VPS52: variants seen among roughly 807,000 people sequenced by gnomAD.
The protein encoded by VPS52 is vacuolar protein sorting-associated protein 52 homolog.
VPS52 carries 56 observed loss-of-function variants against 98.7 expected under a neutral mutation model. The observed-to-expected ratio is 0.57, with a 90% CI of 0.46 to 0.71. VPS52 has a LOEUF of 0.71. VPS52 is among the 30% of genes least tolerant of loss of function. VPS52 has a pLI of 0.00. For synonymous variants in VPS52, 348 were observed against 346.4 expected, an observed-to-expected ratio of 1.00 and a Z score of -0.05; for missense variants, 742 against 925.9, an observed-to-expected ratio of 0.80 and a Z score of 2.58.
chr6:33,267,317 G>A lies in VPS52; in HGVS notation c.996C>T (p.Phe332=). The change falls in exon 11 of 20, where the codon TTC becomes TTT. Residue 332 remains phenylalanine, a synonymous_variant. Coordinates refer to ENST00000445902, the MANE Select transcript of VPS52 (RefSeq NM_022553.6). This position sits in a 1 kb window ranked among gnomAD's most constrained non-coding sequence, Gnocchi z 4.2. ...TGCTGCGGAGCGATGGCTTTGAGAA[G>A]AATCGTAAGATGGGTCAGAGTCAGG... ...MGVEDTAKKG[F]FSKPSLRSRN... 2.5e-6 allele frequency: 4 copies of A among 1,582,424 alleles called. No individual in the cohort carries two copies. Among genetic ancestry groups the A allele is most frequent in the Admixed American group, 1.8e-5 (1 of 55,058 alleles).
chr6:33,268,974 C>G lies in VPS52; in HGVS notation c.548+40G>C, dbSNP rs1764667364. The G allele has an allele frequency of 6.2e-7, 1 of 1,603,296 alleles. No homozygotes were observed. The highest frequency in any genetic ancestry group is 1.3e-5 in the African/African-American group (1 of 74,800). ...AGGGTGGGTCACCCCAGCCCATCCA[C>G]CTGCTATGGACATTATAACCCTTCA... is the stretch of plus-strand genomic sequence containing the variant. On this transcript the variant is annotated intron_variant, in intron 6 of 19. Coordinates refer to ENST00000445902, the MANE Select transcript of VPS52 (RefSeq NM_022553.6). This position sits in a 1 kb window ranked among gnomAD's most constrained non-coding sequence, Gnocchi z 4.0.
chr6:33,251,816 C>G, intron 18 of VPS52, 44 bp downstream of exon 18: 1 of 1,596,806 alleles, frequency 6.3e-7, no homozygotes, highest in Non-Finnish European at 8.6e-7. Flanking sequence ...TTCTTTTCCA[C>G]TTCCCTTACC....
intron 4 of VPS52, 79 bp from the exon 5 acceptor site, chr6:33,269,636 T>C: frequency 6.3e-7 from 1 of 1,576,482 alleles, no homozygotes; most frequent in Non-Finnish European, 8.7e-7. Context: ...AATTTCTCTT[T>C]GAAGTGATAG....
chr6:33,251,900 C>T lies in VPS52; in HGVS notation c.1866G>A (p.Leu622=). The T allele has an allele frequency of 6.2e-7, 1 of 1,613,316 alleles. No homozygotes were observed. The highest frequency in any genetic ancestry group is 8.5e-7 in the Non-Finnish European group (1 of 1,180,046). The change falls in exon 18 of 20, where the codon TTG becomes TTA. Residue 622 remains leucine (L), a synonymous_variant. Coordinates refer to ENST00000445902, the MANE Select transcript of VPS52 (RefSeq NM_022553.6). The part of the protein sequence containing the change: ...LVAFVKEAEA[L]IERGQAERLR... ...GTCGCTCAGCCTGTCCACGCTCAAT[C>T]AAAGCCTCAGCCTCCTTCACAAATG...
intron 13 of VPS52, 52 bp from the exon 14 acceptor site, chr6:33,264,549 G>A: frequency 6.2e-7 from 1 of 1,610,064 alleles, no homozygotes; most frequent in Non-Finnish European, 8.5e-7. Flanking sequence ...GTTGGAGGGG[G>A]ATGGGAGGGA....
At chr6:33,256,787 G>A (rs1029868766) in intron 17 of VPS52, among the ~76,000 whole-genome samples, 3 of 149,082 alleles carry the variant, frequency 2.0e-5, no homozygotes, top group South Asian at 4.2e-4. Context: ...GTTGCAGTGC[G>A]CTGAGATTGT....
At position 33,267,986 on chromosome 6, in the gene VPS52, T is replaced by G; in HGVS notation, c.812A>C (p.Gln271Pro). The change falls in exon 9 of 20, where the codon CAG becomes CCG. Residue 271 changes from glutamine (Q) to proline (P), a missense_variant. By Grantham distance (76) the Gln-to-Pro change is moderately conservative (BLOSUM62 -1). This residue lies in a region of VPS52 where 590 missense variants were observed against 793.3 expected (regional missense o/e 0.74). Transcript: ENST00000445902. This position sits in a 1 kb window ranked among gnomAD's most constrained non-coding sequence, Gnocchi z 4.2. The stretch of plus-strand genomic sequence containing the variant: ...TGCTCGTTCATTGCCCAGCAGAAAC[T>G]GATAGAAGAACCTAGGGGGTCAGGA... ...TALLKYRFFY[Q>P]FLLGNERATA... The G allele has an allele frequency of 6.2e-7, 1 of 1,613,046 alleles. No individual in the cohort carries two copies. The highest frequency in any genetic ancestry group is 8.5e-7 in the Non-Finnish European group (1 of 1,180,024).
chr6:33,271,465 G>A (rs961812036), intron 1 of VPS52, 121 bp downstream of exon 1: 1 of 1,411,932 alleles, frequency 7.1e-7, no homozygotes, highest in African/African-American at 1.4e-5. Context: ...GGTACGGGGA[G>A]CCAAACAGGT....
At chr6:33,264,718 C>A in intron 13 of VPS52, 64 bp downstream of exon 13, 2 of 1,511,642 alleles carry the variant, frequency 1.3e-6, no homozygotes, top group Non-Finnish European at 1.8e-6. Flanking sequence ...AAGGTCAGGG[C>A]AGAGTCATGC....
chr6:33,271,616 G>A lies in VPS52; in HGVS notation c.60C>T (p.Thr20=). 1.2e-6 allele frequency: 2 copies of A among 1,611,996 alleles called. No homozygotes were observed. Among genetic ancestry groups the A allele is most frequent in the Non-Finnish European group, 1.7e-6 (2 of 1,179,276 alleles). The change falls in exon 1 of 20, where the codon ACC becomes ACT. Residue 20 remains threonine, a synonymous_variant. Coordinates refer to ENST00000445902, the MANE Select transcript of VPS52 (RefSeq NM_022553.6). ...AARELVLRAG[T]SDMEEEEGPL... Reference sequence around the variant, plus strand: ...GGCCCTCTTCCTCCTCCATATCTGAGGTCCCAGCCCGCAACACCAGTTCCC... The same window carrying A: ...GGCCCTCTTCCTCCTCCATATCTGAAGTCCCAGCCCGCAACACCAGTTCCC...
chr6:33,268,001 G>C lies in VPS52; in HGVS notation c.801-4C>G. 1 of 1,612,890 alleles carries C rather than the reference G, an allele frequency of 6.2e-7. No homozygotes were observed. Among genetic ancestry groups the C allele is most frequent in the African/African-American group, 1.3e-5 (1 of 75,026 alleles). ...CAGCAGAAACTGATAGAAGAACCTA[G>C]GGGGTCAGGAACATGTCAGTCTACC... On this transcript the variant is annotated splice_region_variant and splice_polypyrimidine_tract_variant and intron_variant, in intron 8 of 19. Transcript: ENST00000445902. The surrounding 1 kb of genome is among the most constrained non-coding windows in gnomAD (Gnocchi z 4.0).
intron 14 of VPS52, 78 bp from the exon 15 acceptor site, chr6:33,264,181 C>G (rs1294259299): frequency 9.5e-6 from 15 of 1,572,076 alleles, no homozygotes; most frequent in Non-Finnish European, 2.6e-6. Flanking sequence ...TTAGCCAACC[C>G]ACCTCCATGT....
chr6:33,252,852 T>C (rs914390109), intron 17 of VPS52, among the ~76,000 whole-genome samples: 3 of 151,990 alleles, frequency 2.0e-5, no homozygotes, highest in African/African-American at 7.3e-5. Flanking sequence ...AATTGATGGC[T>C]ACTAACATCA....
In VPS52 at chr6:33,251,947, G is replaced by T. The variant is rs564713198; in HGVS notation, c.1819C>A (p.Pro607Thr). 6.2e-7 allele frequency: 1 copy of T among 1,613,032 alleles called. No homozygotes were observed. The highest frequency in any genetic ancestry group is 1.3e-5 in the African/African-American group (1 of 74,914). ...AATGCCACTAAACCCCCAAAAGGGG[G>T]AGACAGCAACTCTTCAATGAATTCC... ...TQEFIEELLS[P>T]PFGGLVAFVK... Residue 607 changes from proline to threonine, a missense_variant, in exon 18 of 20, where the codon CCC becomes ACC. By Grantham distance (38) the Pro-to-Thr change is conservative (BLOSUM62 -1). This residue lies in a region of VPS52 where 590 missense variants were observed against 793.3 expected (regional missense o/e 0.74). Coordinates refer to ENST00000445902, the MANE Select transcript of VPS52 (RefSeq NM_022553.6).
intron 17 of VPS52, among the ~76,000 whole-genome samples, chr6:33,261,242 G>GTTCAA (rs1317550700): frequency 1.3e-5 from 2 of 151,736 alleles, no homozygotes; most frequent in Non-Finnish European, 2.9e-5. Flanking sequence ...CCAGGTGGGA[G>GTTCAA]GATCACTTGA....
At chr6:33,260,768 G>A (rs1443633224) in intron 17 of VPS52, among the ~76,000 whole-genome samples, 2 of 152,194 alleles carry the variant, frequency 1.3e-5, no homozygotes, top group Non-Finnish European at 2.9e-5. Flanking sequence ...GGGAGGCTGA[G>A]GCGGGTGAAT....
Position 33,264,417 on chromosome 6 carries a change from G to A in VPS52, c.1481C>T (p.Thr494Ile). 1 of 1,614,218 alleles carries A rather than the reference G, an allele frequency of 6.2e-7. No individual in the cohort carries two copies. Residue 494 changes from threonine (T) to isoleucine (I), a missense_variant, in exon 14 of 20, where the codon ACT becomes ATT. This residue lies in a region of VPS52 where 590 missense variants were observed against 793.3 expected (regional missense o/e 0.74). Coordinates refer to ENST00000445902, the MANE Select transcript of VPS52 (RefSeq NM_022553.6). ...LEMNVQSVRSTDPQRLGGLDT... is the reference protein window; with the variant it reads ...LEMNVQSVRSIDPQRLGGLDT... Reference sequence around the variant, plus strand: ...CAACCCCCCTAGGCGCTGGGGGTCAGTGCTTCGGACGCTCTGAACATTCAT... The same window carrying A: ...CAACCCCCCTAGGCGCTGGGGGTCAATGCTTCGGACGCTCTGAACATTCAT...
chr6:33,271,941 GA>G, upstream of VPS52: 1 of 1,049,658 alleles, frequency 9.5e-7, no homozygotes, highest in East Asian at 2.6e-5. Flanking sequence ...AGGCGCACCG[GA>G]AGTTGTGGTA....
At chr6:33,269,318 A>G (rs1038220174) in intron 5 of VPS52, 129 bp from the exon 6 acceptor site, 1 of 1,427,444 alleles carries the variant, frequency 7.0e-7, no homozygotes, top group Non-Finnish European at 9.7e-7. Flanking sequence ...GACACCCCAG[A>G]TTATCAGGAA....
Sources: allele counts gnomAD v4.1 joint callset (sites outside exome capture counted in the v4.1 genomes callset), GRCh38; gene constraint gnomAD v4.1.1; regional missense constraint gnomAD v4.1.1; non-coding constraint Gnocchi (gnomAD v3.1); transcripts MANE v1.5; gene names NCBI Gene and HGNC (gene_info 2026-07-23, HGNC 2026-07-21).